The following MROH1 variants were observed in gnomAD, a reference collection of about 807,000 sequenced individuals.
The protein encoded by MROH1 is maestro heat like repeat family member 1.
In MROH1, 117 loss-of-function variants were observed where a neutral mutation model predicts 116.5. The observed-to-expected ratio is 1.00, with a 90% CI of 0.86 to 1.17. MROH1 has a LOEUF of 1.17. Ranked by LOEUF, MROH1 falls within the 50% of genes most tolerant of loss-of-function variation. MROH1 has a pLI of 0.00. For synonymous variants in MROH1, 921 were observed against 583.9 expected, an observed-to-expected ratio of 1.58 and a Z score of -8.32; for missense variants, 1,873 against 1,338.5, an observed-to-expected ratio of 1.40 and a Z score of -6.23.
At chr8:144,228,643 T>C (rs1386502942) in intron 14 of MROH1, among the ~76,000 whole-genome samples, 1 of 152,172 alleles carries the variant, frequency 6.6e-6, no homozygotes, top group African/African-American at 2.4e-5. Context: ...GTTTGTATTT[T>C]AGAAGAGACA....
chr8:144,236,518 A>G lies in MROH1; in HGVS notation c.1339-2238A>G, dbSNP rs1435362026. 2.0e-5 allele frequency among the ~76,000 whole-genome samples: 3 copies of G among 152,238 alleles called. No homozygotes were observed. The East Asian group carries it at 5.8e-4, about 29-fold the overall frequency. On this transcript the variant is annotated intron_variant, in intron 14 of 43. Transcript: ENST00000326134. ...CACTTTGGGAGGCCGAGGTGGGTGG[A>G]TCACTTGAAGTCGGGAGTTCAAGAC...
At chr8:144,149,718 C>G (rs1816278861) in intron 1 of MROH1, among the ~76,000 whole-genome samples, 1 of 152,096 alleles carries the variant, frequency 6.6e-6, no homozygotes, top group Admixed American at 6.6e-5. Flanking sequence ...CTTGGGAGCT[C>G]CTAGCCAGTG....
intron 12 of MROH1, among the ~76,000 whole-genome samples, chr8:144,209,093 C>T (rs1833525290): frequency 1.3e-5 from 2 of 149,980 alleles, no homozygotes; most frequent in South Asian, 2.1e-4. Flanking sequence ...GACGGAGTTT[C>T]GCCATGTTAG....
At chr8:144,248,083 T>TG (rs1172915040) in intron 31 of MROH1, among the ~76,000 whole-genome samples, 13 of 152,202 alleles carry the variant, frequency 8.5e-5, no homozygotes, top group African/African-American at 3.1e-4. Flanking sequence ...AAGAGCCACG[T>TG]GGGGGGCTAG....
rs1842122678 is a variant in MROH1 at position 144,247,626 on chromosome 8, C to A, written c.3067C>A (p.Leu1023Ile). ...AERLLSLKDG[L>I]VHPDPAILFH... The stretch of plus-strand genomic sequence containing the variant: ...GCGGCTCCTCAGCCTCAAGGACGGC[C>A]TCGTGCACCCTGACCCCGCCATTCT... The change falls in exon 31 of 44, where the codon CTC becomes ATC. Residue 1023 changes from leucine to isoleucine, a missense_variant. By Grantham distance (5) the Leu-to-Ile change is conservative. Coordinates refer to ENST00000326134, the MANE Select transcript of MROH1 (RefSeq NM_032450.3). 3.9e-6 allele frequency: 3 copies of A among 767,516 alleles called. No homozygotes were observed. In the Admixed American group the frequency reaches 5.1e-5, roughly 13 times the overall value. 47.5% of individuals were successfully genotyped at this position (767,516 alleles called of 1,614,324 possible). A position where few individuals can be genotyped will look rare whatever the true frequency, so the allele number is the denominator to read the frequency against.
At chr8:144,189,280 G>C (rs1290125783) in intron 7 of MROH1, among the ~76,000 whole-genome samples, 2 of 152,108 alleles carry the variant, frequency 1.3e-5, no homozygotes, top group Non-Finnish European at 2.9e-5. Context: ...CAGGGCTCTG[G>C]ACTTTGCCCT....
intron 1 of MROH1, among the ~76,000 whole-genome samples, chr8:144,154,259 G>A (rs1817535464): frequency 6.6e-6 from 1 of 151,970 alleles, no homozygotes; most frequent in African/African-American, 2.4e-5. Flanking sequence ...GTAGAGACAA[G>A]GTTTTACCAT....
At chr8:144,200,617 C>T in intron 12 of MROH1, 76 bp downstream of exon 12, 1 of 1,028,186 alleles carries the variant, frequency 9.7e-7, no homozygotes, top group Non-Finnish European at 1.5e-6. Flanking sequence ...AGATTGTGTC[C>T]CTCTAAGTGA....
At chr8:144,160,214 T>C (rs1238779044) in intron 1 of MROH1, among the ~76,000 whole-genome samples, 1 of 152,240 alleles carries the variant, frequency 6.6e-6, no homozygotes, top group Non-Finnish European at 1.5e-5. Context: ...CAGACCTTTC[T>C]TTTAGCTTTG....
chr8:144,162,712 C>T (rs1178352116), intron 2 of MROH1, among the ~76,000 whole-genome samples: 1 of 150,194 alleles, frequency 6.7e-6, no homozygotes, highest in African/African-American at 2.5e-5. Context: ...TGTCTTTTTT[C>T]TTTCTTTCTT....
chr8:144,189,900 G>C (rs1157580204), intron 7 of MROH1, among the ~76,000 whole-genome samples: 1 of 152,228 alleles, frequency 6.6e-6, no homozygotes, highest in Non-Finnish European at 1.5e-5. Context: ...GTTGGTACTT[G>C]CACCAGTTTT....
chr8:144,213,924 C>T (rs756254188), intron 12 of MROH1: 3 of 150,612 alleles, frequency 2.0e-5, no homozygotes, highest in Admixed American at 1.3e-4. Context: ...CTCTTAGATG[C>T]CATGGGGTTT....
chr8:144,236,310 G>C (rs1346026442), intron 14 of MROH1, among the ~76,000 whole-genome samples: 1 of 152,188 alleles, frequency 6.6e-6, no homozygotes, highest in Non-Finnish European at 1.5e-5. Flanking sequence ...TTGTTTCAGT[G>C]TTGATCTTGT....
chr8:144,243,678 T>A, intron 25 of MROH1, 62 bp downstream of exon 25: 2 of 772,870 alleles, frequency 2.6e-6, no homozygotes, highest in Non-Finnish European at 4.8e-6. Flanking sequence ...AGGCCAGAGG[T>A]GGGGACTGGG....
At chr8:144,203,375 C>T (rs185709542) in intron 12 of MROH1, among the ~76,000 whole-genome samples, 143 of 144,686 alleles carry the variant, frequency 9.9e-4, no homozygotes, top group African/African-American at 3.5e-3. Flanking sequence ...GGAGCGCTCG[C>T]TCTGTGTGGA....
intron 10 of MROH1, 66 bp downstream of exon 10, chr8:144,192,467 A>G (rs1286465649): frequency 7.0e-7 from 1 of 1,426,658 alleles, no homozygotes; most frequent in East Asian, 2.5e-5. Flanking sequence ...GTTGCTGGAC[A>G]AGGGGTGCAG....
intron 33 of MROH1, chr8:144,250,750 T>G (rs1842717791): frequency 5.3e-6 from 2 of 375,624 alleles, no homozygotes; most frequent in African/African-American, 4.2e-5. Flanking sequence ...CCTTGTCCTC[T>G]GCAGGGCATC....
chr8:144,176,711 C>T (rs1824038282), intron 4 of MROH1, among the ~76,000 whole-genome samples: 1 of 58,404 alleles, frequency 1.7e-5, no homozygotes, highest in Non-Finnish European at 3.4e-5. Flanking sequence ...CACCTGTAGT[C>T]CCAGCTACTC....
chr8:144,157,989 C>CTTTTTTTTT (rs1157662078), intron 1 of MROH1, among the ~76,000 whole-genome samples: 5 of 88,864 alleles, frequency 5.6e-5, no homozygotes, highest in Non-Finnish European at 7.0e-5. Flanking sequence ...CTATTTCTTT[C>CTTTTTTTTT]TTTTTTTTTT....
Sources: gnomAD v4.1 joint callset for allele counts (sites outside exome capture counted in the v4.1 genomes callset) on GRCh38, gnomAD v4.1.1 for gene constraint, MANE v1.5 for transcripts, NCBI Gene and HGNC (gene_info 2026-07-23, HGNC 2026-07-21) for gene names.